Variants in PTCHD1 observed in about 807,000 individuals in gnomAD.
PTCHD1 encodes the protein patched domain containing 1.
In PTCHD1, 3 loss-of-function variants were observed where a neutral mutation model predicts 34.6. The ratio of observed to expected loss-of-function variants is 0.09; its 90% CI spans 0.04 to 0.22. The LOEUF (loss-of-function observed/expected upper bound fraction) is 0.22, where lower values mean the gene tolerates loss of function less well. Ranked by LOEUF, PTCHD1 falls within the 10% of genes least tolerant of loss-of-function variation. PTCHD1 has a pLI of 1.00. For synonymous variants in PTCHD1, 305 were observed against 283.1 expected, an observed-to-expected ratio of 1.08 and a Z score of -0.77; for missense variants, 504 against 685.5, an observed-to-expected ratio of 0.74 and a Z score of 2.96.
intron 1 of PTCHD1, among the ~76,000 whole-genome samples, chrX:23,344,570 A>G (rs1190857560): frequency 9.0e-6 from 1 of 111,537 alleles, no homozygotes; most frequent in Non-Finnish European, 1.9e-5. Context: ...TAATGACTCC[A>G]TCTGAGTCAT....
At position 23,393,360 on chromosome X, in the gene PTCHD1, G is replaced by C. The variant is rs1298785670; in HGVS notation, c.1842G>C (p.Arg614Ser). Residue 614 changes from arginine to serine, a missense_variant, in exon 3 of 3, where the codon AGG becomes AGC. By Grantham distance (110) the Arg-to-Ser change is moderately radical. Coordinates refer to ENST00000379361, the MANE Select transcript of PTCHD1 (RefSeq NM_173495.3). ...LPKKNFTDML[R>S]NSFLKAPQFS... ...AGAAAAATTTCACAGACATGTTGAG[G>C]AATTCCTTTCTGAAAGCCCCTCAAT... 1 of 1,208,020 alleles carries C rather than the reference G, an allele frequency of 8.3e-7. No homozygotes were observed. Among genetic ancestry groups the C allele is most frequent in the East Asian group, 3.0e-5 (1 of 33,791 alleles).
At chrX:23,374,280 CAAAAAAAAA>C (rs752214252) in intron 1 of PTCHD1, among the ~76,000 whole-genome samples, 2 of 24,543 alleles carry the variant, frequency 8.1e-5, no homozygotes, top group East Asian at 4.4e-3. Context: ...GAAACAAATA[CAAAAAAAAA>C]AAAAAAAAAA....
chrX:23,344,580 T>G (rs1053296733), intron 1 of PTCHD1, among the ~76,000 whole-genome samples: 2 of 111,721 alleles, frequency 1.8e-5, no homozygotes, highest in African/African-American at 3.3e-5. Context: ...ATCTGAGTCA[T>G]TACAGACAAT....
At chrX:23,335,321 C>T (rs1456701745) in intron 1 of PTCHD1, 95 bp downstream of exon 1, 11 of 724,973 alleles carry the variant, frequency 1.5e-5, no homozygotes, top group Non-Finnish European at 2.3e-5. Context: ...GCCACCTCTC[C>T]TAGCCCAGGC....
intron 1 of PTCHD1, among the ~76,000 whole-genome samples, chrX:23,344,613 A>G (rs1339967103): frequency 8.9e-6 from 1 of 111,753 alleles, no homozygotes; most frequent in Non-Finnish European, 1.9e-5. Context: ...ACTGCTGAGC[A>G]TGCAGCTCCT....
At chrX:23,335,924 C>A (rs927737986) in intron 1 of PTCHD1, among the ~76,000 whole-genome samples, 3 of 111,851 alleles carry the variant, frequency 2.7e-5, no homozygotes, top group Non-Finnish European at 5.6e-5. Flanking sequence ...ACAGTAGCTC[C>A]TCAAGAAATG....
At chrX:23,373,420 A>G (rs1197354416) in intron 1 of PTCHD1, among the ~76,000 whole-genome samples, 1 of 113,023 alleles carries the variant, frequency 8.8e-6, no homozygotes, top group Non-Finnish European at 1.9e-5. Flanking sequence ...GTGCAGAGGA[A>G]GTGTGTGGAT....
intron 1 of PTCHD1, among the ~76,000 whole-genome samples, chrX:23,350,060 TAAAAAAAAAAAAA>T (rs57194123): frequency 3.3e-3 from 134 of 40,413 alleles, no homozygotes; most frequent in Non-Finnish European, 3.8e-3. Flanking sequence ...TTAGTGCTGT[TAAAAAAAAAAAAA>T]AAAAAAAAAA....
At position 23,393,590 on chromosome X, in the gene PTCHD1, G is replaced by A. The variant is rs1569143368; in HGVS notation, c.2072G>A (p.Arg691Gln). The A allele has an allele frequency of 5.0e-6, 6 of 1,208,971 alleles. No homozygotes were observed. The highest frequency in any genetic ancestry group is 1.8e-5 in the South Asian group (1 of 56,721). The change falls in exon 3 of 3, where the codon CGA (arginine) becomes CAA (glutamine). Residue 691 changes from arginine to glutamine, a missense_variant. Coordinates refer to ENST00000379361, the MANE Select transcript of PTCHD1 (RefSeq NM_173495.3). ...VFNPSFVYMDRYASSLGAPLH... is the reference protein window; with the variant it reads ...VFNPSFVYMDQYASSLGAPLH... Reference sequence around the variant, plus strand: ...AATCCGTCCTTTGTATACATGGATCGATATGCCTCCTCTCTGGGAGCCCCC... The same window carrying A: ...AATCCGTCCTTTGTATACATGGATCAATATGCCTCCTCTCTGGGAGCCCCC...
chrX:23,338,983 G>T (rs754709942), intron 1 of PTCHD1, among the ~76,000 whole-genome samples: 1 of 111,637 alleles, frequency 9.0e-6, no homozygotes, highest in East Asian at 2.8e-4. Flanking sequence ...TACAAGGATA[G>T]AAAGAAGATT....
rs773132578 is a variant in PTCHD1, at chrX:23,379,697, T to C, written c.458T>C (p.Ile153Thr). ...NNDKTCIVDD[I>T]VHVLEELKNA... ...GATAAGACTTGCATCGTGGATGACA[T>C]AGTGCACGTCCTGGAAGAGCTAAAG... The change falls in exon 2 of 3, where the codon ATA becomes ACA. Residue 153 changes from isoleucine to threonine, a missense_variant. Transcript: ENST00000379361. 18 of 1,209,201 alleles carry C rather than the reference T, an allele frequency of 1.5e-5. No homozygotes were observed. Among genetic ancestry groups the C allele is most frequent in the East Asian group, 3.0e-5 (1 of 33,764 alleles).
At chrX:23,356,582 CG>C (rs1921809557) in intron 1 of PTCHD1, among the ~76,000 whole-genome samples, 1 of 111,614 alleles carries the variant, frequency 9.0e-6, no homozygotes, top group Non-Finnish European at 1.9e-5. Flanking sequence ...AAAGAGTGCC[CG>C]GTAAATCCCT....
At chrX:23,342,296 ATATATATATATATATT>A (rs1334799209) in intron 1 of PTCHD1, among the ~76,000 whole-genome samples, 1 of 13,155 alleles carries the variant, frequency 7.6e-5, no homozygotes, top group Non-Finnish European at 1.4e-4. Flanking sequence ...ATATATATAT[ATATATATATATATATT>A]TTTTTTTTTT....
intron 1 of PTCHD1, among the ~76,000 whole-genome samples, chrX:23,359,758 C>T (rs886680548): frequency 5.4e-5 from 6 of 111,837 alleles, no homozygotes; most frequent in Admixed American, 9.5e-5. Context: ...TAGTTTTTGC[C>T]CATTCAGTAT....
rs1232586229 is a variant in PTCHD1, at chrX:23,394,112, G to A, written c.2594G>A (p.Arg865Gln). The A allele has an allele frequency of 6.6e-6, 8 of 1,210,186 alleles. No individual in the cohort carries two copies. The South Asian group carries it at 1.1e-4, about 16-fold the overall frequency. The change falls in exon 3 of 3, where the codon CGG (arginine) becomes CAG (glutamine). Residue 865 changes from arginine to glutamine, a missense_variant. By Grantham distance (43) the Arg-to-Gln change is conservative. Transcript: ENST00000379361. ...KRKEKKNPEN[R>Q]EEIECVEMVD... Reference sequence around the variant, plus strand: ...AAAGAGAAGAAAAATCCTGAGAACCGGGAGGAAATTGAGTGTGTAGAAATG... The same window carrying A: ...AAAGAGAAGAAAAATCCTGAGAACCAGGAGGAAATTGAGTGTGTAGAAATG...
intron 1 of PTCHD1, among the ~76,000 whole-genome samples, chrX:23,356,350 C>T (rs946193321): frequency 1.8e-5 from 2 of 112,222 alleles, no homozygotes; most frequent in African/African-American, 6.5e-5. Flanking sequence ...TGTAAACACC[C>T]TGGGGACCAG....
chrX:23,344,603 A>G (rs1195338925), intron 1 of PTCHD1, among the ~76,000 whole-genome samples: 2 of 111,545 alleles, frequency 1.8e-5, no homozygotes, highest in Non-Finnish European at 3.8e-5. Flanking sequence ...GATTCAACCT[A>G]CTGCTGAGCA....
At chrX:23,362,833 G>A (rs1172308330) in intron 1 of PTCHD1, among the ~76,000 whole-genome samples, 1 of 112,253 alleles carries the variant, frequency 8.9e-6, no homozygotes, top group East Asian at 2.8e-4. Flanking sequence ...CCTTTCTGTT[G>A]ATTTTGATGT....
At chrX:23,364,004 C>A (rs756743958) in intron 1 of PTCHD1, among the ~76,000 whole-genome samples, 56 of 112,292 alleles carry the variant, frequency 5.0e-4, no homozygotes, top group African/African-American at 1.4e-3. Context: ...ACACAATGGA[C>A]TACTACACAG....
Sources: gnomAD v4.1 joint callset for allele counts (sites outside exome capture counted in the v4.1 genomes callset) on GRCh38, gnomAD v4.1.1 for gene constraint, MANE v1.5 for transcripts, NCBI Gene and HGNC (gene_info 2026-07-23, HGNC 2026-07-21) for gene names.